The following ARHGEF33 variants were observed in gnomAD, a reference collection of about 807,000 sequenced individuals.
The protein encoded by ARHGEF33 is DH and coiled-coil domain-containing protein ENSP00000381780.
In ARHGEF33, 72 loss-of-function variants were observed where a neutral mutation model predicts 101.9. That is an observed-to-expected ratio of 0.71 (90% CI 0.58 to 0.86). ARHGEF33 has a LOEUF of 0.86. Ranked by LOEUF, ARHGEF33 falls within the 40% of genes least tolerant of loss-of-function variation. The pLI is 0.00. For synonymous variants in ARHGEF33, 499 were observed against 442.5 expected (o/e 1.13, Z -1.60); for missense variants, 1,169 against 1,111.3 (o/e 1.05, Z -0.74).
At chr2:38,921,895 A>G (rs1558428787) in intron 4 of ARHGEF33, among the ~76,000 whole-genome samples, 1 of 152,116 alleles carries the variant, frequency 6.6e-6, no homozygotes, top group Non-Finnish European at 1.5e-5. Context: ...TTACTTTTCT[A>G]TTTTAGCAGG....
chr2:38,901,023 G>A (rs1404289069), intron 2 of ARHGEF33, among the ~76,000 whole-genome samples: 3 of 152,106 alleles, frequency 2.0e-5, no homozygotes, highest in African/African-American at 7.2e-5. Context: ...TTCTTTGAAG[G>A]CTGAAGGCTT....
intron 1 of ARHGEF33, among the ~76,000 whole-genome samples, chr2:38,893,841 A>G (rs926117988): frequency 2.6e-5 from 4 of 152,188 alleles, no homozygotes; most frequent in African/African-American, 9.7e-5. Context: ...CTCATTTTCC[A>G]GGTTTCTATC....
intron 6 of ARHGEF33, among the ~76,000 whole-genome samples, chr2:38,930,518 A>T (rs1666974233): frequency 6.6e-6 from 1 of 151,926 alleles, no homozygotes; most frequent in African/African-American, 2.4e-5. Context: ...GCTAATTTAA[A>T]AAAAAATTAT....
At chr2:38,909,217 G>A (rs1326228767) in intron 2 of ARHGEF33, among the ~76,000 whole-genome samples, 2 of 152,200 alleles carry the variant, frequency 1.3e-5, no homozygotes, top group Non-Finnish European at 2.9e-5. Flanking sequence ...AAAGGGTCAC[G>A]TAAGGGGCTG....
chr2:38,949,990 G>A (rs188021994), intron 10 of ARHGEF33, among the ~76,000 whole-genome samples: 7 of 152,242 alleles, frequency 4.6e-5, no homozygotes, highest in East Asian at 1.9e-4. Context: ...AACCATTCAC[G>A]AGAAATTCAC....
chr2:38,940,739 A>G (rs1045171463), intron 9 of ARHGEF33, among the ~76,000 whole-genome samples: 4 of 152,194 alleles, frequency 2.6e-5, no homozygotes, highest in Non-Finnish European at 2.9e-5. Flanking sequence ...ATTGCAATTG[A>G]GAAAAAGTTG....
At chr2:38,906,150 C>T (rs898242021) in intron 2 of ARHGEF33, among the ~76,000 whole-genome samples, 2 of 150,124 alleles carry the variant, frequency 1.3e-5, no homozygotes, top group Non-Finnish European at 3.0e-5. Context: ...GATTGTGCCA[C>T]CGCACTCCAG....
chr2:38,900,227 T>C (rs1013759136), intron 2 of ARHGEF33, among the ~76,000 whole-genome samples: 1 of 152,116 alleles, frequency 6.6e-6, no homozygotes, highest in African/African-American at 2.4e-5. Context: ...ATAGAGACTA[T>C]TGCCTATAAT....
chr2:38,962,890 G>C (rs1258991221), intron 16 of ARHGEF33, among the ~76,000 whole-genome samples: 1 of 151,252 alleles, frequency 6.6e-6, no homozygotes, highest in East Asian at 1.9e-4. Flanking sequence ...CGGGCATGGT[G>C]GTGAGCACCT....
At chr2:38,943,124 C>T (rs1010577912) in intron 9 of ARHGEF33, among the ~76,000 whole-genome samples, 4 of 152,146 alleles carry the variant, frequency 2.6e-5, no homozygotes, top group African/African-American at 4.8e-5. Context: ...GATGGGGTTT[C>T]GCCATGTTAG....
intron 4 of ARHGEF33, among the ~76,000 whole-genome samples, chr2:38,925,561 T>C (rs561577378): frequency 2.0e-5 from 3 of 151,792 alleles, no homozygotes; most frequent in African/African-American, 7.2e-5. Flanking sequence ...TATAGAGGAG[T>C]AGATATGGGA....
intron 2 of ARHGEF33, among the ~76,000 whole-genome samples, chr2:38,897,325 TTC>T (rs1376410767): frequency 3.9e-5 from 6 of 152,226 alleles, no homozygotes; most frequent in African/African-American, 1.4e-4. Flanking sequence ...GTATCACACT[TTC>T]TATCCACTTA....
intron 3 of ARHGEF33, among the ~76,000 whole-genome samples, chr2:38,920,939 A>G (rs968725068): frequency 6.6e-6 from 1 of 152,136 alleles, no homozygotes; most frequent in Non-Finnish European, 1.5e-5. Flanking sequence ...AGGTGGGAGA[A>G]GTAGAGGATA....
At chr2:38,921,551 G>C (rs1466327184) in intron 4 of ARHGEF33, 128 bp downstream of exon 4, 1 of 686,662 alleles carries the variant, frequency 1.5e-6, no homozygotes, top group African/African-American at 1.8e-5. Flanking sequence ...TCTCTTAACA[G>C]GGCTGTGAGA....
At chr2:38,923,898 A>C (rs918553231) in intron 4 of ARHGEF33, among the ~76,000 whole-genome samples, 8 of 152,242 alleles carry the variant, frequency 5.3e-5, no homozygotes, top group African/African-American at 1.9e-4. Context: ...TCCAAATGTG[A>C]AATGTCTTTC....
In ARHGEF33 at chr2:38,889,995, G is replaced by A. The variant is rs1398364524; in HGVS notation, c.-159+9G>A. The A allele has an allele frequency of 2.1e-6, 1 of 468,254 alleles. No individual in the cohort carries two copies. Among genetic ancestry groups the A allele is most frequent in the Non-Finnish European group, 4.4e-6 (1 of 225,940 alleles). The allele number at this position is 468,254 out of a possible 1,614,324, so 29.0% of individuals were successfully genotyped here. A position where few individuals can be genotyped will look rare whatever the true frequency, so the allele number is the denominator to read the frequency against. On this transcript the variant is annotated intron_variant, in intron 1 of 17. Coordinates refer to ENST00000409978, the MANE Select transcript of ARHGEF33 (RefSeq NM_001145451.5). Reference sequence around the variant, plus strand: ...ACCGCAGGCAACATGGGGTAAGTATGCGCTTTTATATGCTTTAAGGGGCAC... The same window carrying A: ...ACCGCAGGCAACATGGGGTAAGTATACGCTTTTATATGCTTTAAGGGGCAC...
Position 38,956,987 on chromosome 2 carries a change from A to G in ARHGEF33, c.1310A>G (p.Tyr437Cys). 4 of 1,552,188 alleles carry G rather than the reference A, an allele frequency of 2.6e-6. No individual in the cohort carries two copies. The highest frequency in any genetic ancestry group is 3.5e-6 in the Non-Finnish European group (4 of 1,147,106). Residue 437 changes from tyrosine to cysteine, a missense_variant, in exon 14 of 18, where the codon TAC becomes TGC. Transcript: ENST00000409978. ...VQRLRVFISH[Y>C]TLLFQCNEDL... is the part of the protein sequence containing the mutation. ...CGCCTCCGAGTATTTATCTCACACT[A>G]CACCCTGCTGTTTCAATGCAATGAA...
At chr2:38,920,648 T>C (rs1558428340) in intron 3 of ARHGEF33, among the ~76,000 whole-genome samples, 1 of 152,106 alleles carries the variant, frequency 6.6e-6, no homozygotes, top group East Asian at 1.9e-4. Context: ...CCTCAGGTGA[T>C]CCTCCCGCCT....
At chr2:38,894,358 C>G (rs1167032464) in intron 1 of ARHGEF33, among the ~76,000 whole-genome samples, 1 of 151,180 alleles carries the variant, frequency 6.6e-6, no homozygotes, top group Non-Finnish European at 1.5e-5. Context: ...TGCTTTTGGG[C>G]TCTGGATAGC....
Sources: gnomAD v4.1 joint callset for allele counts (sites outside exome capture counted in the v4.1 genomes callset) on GRCh38, gnomAD v4.1.1 for gene constraint, MANE v1.5 for transcripts, NCBI Gene and HGNC (gene_info 2026-07-23, HGNC 2026-07-21) for gene names.